The following KLF13 variants were observed in gnomAD, a reference collection of about 807,000 sequenced individuals.
KLF13 encodes Krueppel-like factor 13.
KLF13 carries 8 observed loss-of-function variants against 16.7 expected under a neutral mutation model. The observed-to-expected ratio is 0.48, with a 90% CI of 0.28 to 0.87. KLF13 has a LOEUF of 0.87. Among genes scored for constraint, KLF13 ranks in the 40% least tolerant of loss-of-function variants. The pLI, the probability that KLF13 is intolerant of heterozygous loss-of-function variation, is 0.10. For missense variants in KLF13, 447 were observed against 452.2 expected (o/e 0.99, Z 0.10); for synonymous variants, 245 against 208.4 (o/e 1.18, Z -1.51).
chr15:31,363,881 C>T (rs1437965547), intron 1 of KLF13, among the ~76,000 whole-genome samples: 1 of 152,200 alleles, frequency 6.6e-6, no homozygotes, highest in Non-Finnish European at 1.5e-5. Context: ...TTATTTTTCA[C>T]ATTAGAATCT....
intron 1 of KLF13, among the ~76,000 whole-genome samples, chr15:31,419,129 T>C (rs976603969): frequency 2.0e-5 from 3 of 152,012 alleles, no homozygotes; most frequent in African/African-American, 7.3e-5. Flanking sequence ...CAGAAAAGGC[T>C]TGAGAGGCCC....
intron 1 of KLF13, among the ~76,000 whole-genome samples, chr15:31,329,597 C>T (rs968000856): frequency 2.0e-5 from 3 of 152,102 alleles, no homozygotes; most frequent in Non-Finnish European, 2.9e-5. Context: ...TGGCCCCGCG[C>T]GAGCCTCTTG....
At chr15:31,396,101 A>G (rs2039948857) in intron 2 of KLF13, among the ~76,000 whole-genome samples, 2 of 152,246 alleles carry the variant, frequency 1.3e-5, no homozygotes, top group Non-Finnish European at 1.5e-5. Context: ...TCTTGGCTCA[A>G]TGCAACCTCC....
chr15:31,356,940 C>T (rs886439984), intron 1 of KLF13, among the ~76,000 whole-genome samples: 12 of 152,194 alleles, frequency 7.9e-5, no homozygotes, highest in Admixed American at 6.5e-4. Flanking sequence ...ACTTTCTTCA[C>T]GATCACCTCA....
chr15:31,341,725 T>C (rs1266182193), intron 1 of KLF13, among the ~76,000 whole-genome samples: 1 of 152,082 alleles, frequency 6.6e-6, no homozygotes, highest in African/African-American at 2.4e-5. Context: ...TTAAAGCAGG[T>C]GCTGGGTCAC....
Position 31,372,058 on chromosome 15 carries a change from C to T in KLF13, c.626C>T (p.Ala209Val), listed in dbSNP as rs770671001. ...CSWQDCNKKF[A>V]RSDELARHYR... The stretch of plus-strand genomic sequence containing the variant: ...TGGCAGGACTGCAACAAGAAGTTCG[C>T]GCGCTCCGACGAGCTGGCGCGGCAC... The change falls in exon 2 of 2, where the codon GCG (alanine) becomes GTG (valine). Residue 209 changes from alanine (A) to valine (V), a missense_variant. This residue lies in a region of KLF13 where 88 missense variants were observed against 169.5 expected (regional missense o/e 0.52). Coordinates refer to ENST00000307145, the MANE Select transcript of KLF13 (RefSeq NM_015995.4). 5.0e-6 allele frequency: 8 copies of T among 1,611,692 alleles called. No homozygotes were observed. The highest frequency in any genetic ancestry group is 6.8e-6 in the Non-Finnish European group (8 of 1,179,472).
At chr15:31,428,953 A>G (rs557415978) in intron 1 of KLF13, among the ~76,000 whole-genome samples, 1 of 152,296 alleles carries the variant, frequency 6.6e-6, no homozygotes, top group Admixed American at 6.5e-5. Context: ...CTATGAAACT[A>G]TCATTATTCA....
At chr15:31,390,575 C>G (rs906430883), upstream of KLF13, among the ~76,000 whole-genome samples, 3 of 152,232 alleles carry the variant, frequency 2.0e-5, no homozygotes, top group Non-Finnish European at 4.4e-5. Context: ...TTGCTCTGCA[C>G]TTTTGTTCAG....
intron 1 of KLF13, among the ~76,000 whole-genome samples, chr15:31,410,213 C>T (rs1383668703): frequency 6.0e-5 from 9 of 150,764 alleles, no homozygotes; most frequent in Admixed American, 2.6e-4. Flanking sequence ...ATTATAAAAC[C>T]CAGGAAAACC....
intron 1 of KLF13, among the ~76,000 whole-genome samples, chr15:31,384,929 T>C (rs2039776257): frequency 6.6e-6 from 1 of 152,204 alleles, no homozygotes; most frequent in African/African-American, 2.4e-5. Flanking sequence ...ACTCACGTGT[T>C]GAACTCTAAC....
At chr15:31,412,362 A>T (rs913279293) in intron 1 of KLF13, among the ~76,000 whole-genome samples, 1 of 151,994 alleles carries the variant, frequency 6.6e-6, no homozygotes, top group African/African-American at 2.4e-5. Context: ...CTAAAACACC[A>T]GTGTAACATG....
chr15:31,365,269 C>T (rs996674046), intron 1 of KLF13, among the ~76,000 whole-genome samples: 1 of 152,216 alleles, frequency 6.6e-6, no homozygotes, highest in African/African-American at 2.4e-5. Context: ...CCTGCCATTG[C>T]CTCCAGATAC....
intron 1 of KLF13, among the ~76,000 whole-genome samples, chr15:31,358,480 T>A (rs2039334279): frequency 6.6e-6 from 1 of 152,260 alleles, no homozygotes; most frequent in South Asian, 2.1e-4. Context: ...CTCGTTGTAA[T>A]TTGAATTTTC....
intron 1 of KLF13, among the ~76,000 whole-genome samples, chr15:31,353,839 T>C (rs1336275725): frequency 6.6e-6 from 1 of 151,932 alleles, no homozygotes; most frequent in East Asian, 2.0e-4. Context: ...GAGGACTCTA[T>C]ACTGCAGGCA....
rs2039270196 is a variant in KLF13 at position 31,354,553 on chromosome 15, TG to T, written c.578-17456del. ...CCACCACCACACCCAGCTAATTTTTTGTATTTTTAGTAGAGATGGGGTTTCA... is the reference window on the plus strand; with the variant it reads ...CCACCACCACACCCAGCTAATTTTTTTATTTTTAGTAGAGATGGGGTTTCA... On this transcript the variant is annotated intron_variant, in intron 1 of 1. Transcript: ENST00000307145. Among the ~76,000 whole-genome samples the T allele has an allele frequency of 2.0e-5, 3 of 152,288 alleles. No homozygotes were observed. The South Asian group carries it at 6.2e-4, about 32-fold the overall frequency.
intron 1 of KLF13, among the ~76,000 whole-genome samples, chr15:31,424,875 TCACACACACA>T (rs71110875): frequency 1.4e-5 from 2 of 146,194 alleles, no homozygotes; most frequent in African/African-American, 2.6e-5. Flanking sequence ...TCTAGAGATT[TCACACACACA>T]CACACACACA....
chr15:31,417,213 G>A (rs189848512), intron 1 of KLF13, among the ~76,000 whole-genome samples: 172 of 152,184 alleles, frequency 1.1e-3, no homozygotes, highest in African/African-American at 4.1e-3. Flanking sequence ...AATTATCTAG[G>A]CCGGGCACAG....
Position 31,429,530 on chromosome 15 carries a change from A to G in KLF13, n.118-5840A>G, listed in dbSNP as rs1457069629. Among the ~76,000 whole-genome samples the G allele has an allele frequency of 2.6e-5, 4 of 152,136 alleles. No individual in the cohort carries two copies. In the East Asian group the frequency reaches 7.7e-4, roughly 29 times the overall value. ...GGATAGTGGTAAAGGCTGCACAATA[A>G]TATGAGTGAACTTAAAGCCACTGAC... On this transcript the variant is annotated intron_variant and non_coding_transcript_variant, in intron 1 of 1. Coordinates refer to the KLF13 transcript ENST00000558225.
chr15:31,353,504 TC>T (rs2039249683), intron 1 of KLF13, among the ~76,000 whole-genome samples: 1 of 152,222 alleles, frequency 6.6e-6, no homozygotes, highest in African/African-American at 2.4e-5. Flanking sequence ...TTGGGCTGCT[TC>T]CAGATCTGTT....
Sources: allele counts gnomAD v4.1 joint callset (sites outside exome capture counted in the v4.1 genomes callset), GRCh38; gene constraint gnomAD v4.1.1; regional missense constraint gnomAD v4.1.1; transcripts MANE v1.5; gene names NCBI Gene and HGNC (gene_info 2026-07-23, HGNC 2026-07-21).